The following TMBIM4 variants were observed in gnomAD, a reference collection of about 807,000 sequenced individuals.
The protein encoded by TMBIM4 is transmembrane BAX inhibitor motif containing 4, also known as protein lifeguard 4.
TMBIM4 carries 28 observed loss-of-function variants against 27.7 expected under a neutral mutation model. The observed-to-expected ratio is 1.01, with a 90% CI of 0.75 to 1.38. The LOEUF (loss-of-function observed/expected upper bound fraction) is 1.38. Ranked by LOEUF, TMBIM4 falls within the 40% of genes most tolerant of loss-of-function variation. TMBIM4 has a pLI of 0.00. For synonymous variants in TMBIM4, 115 were observed against 113.1 expected, an observed-to-expected ratio of 1.02 and a Z score of -0.11; for missense variants, 265 against 277.5, an observed-to-expected ratio of 0.95 and a Z score of 0.32.
intron 5 of TMBIM4, chr12:66,139,802 G>C (rs1299441798): frequency 2.2e-6 from 1 of 455,382 alleles, no homozygotes; most frequent in African/African-American, 2.0e-5. Context: ...TAGAGAAGCA[G>C]GCAGAACAAT....
chr12:66,148,186 G>A (rs752260850), intron 3 of TMBIM4, among the ~76,000 whole-genome samples: 16 of 152,084 alleles, frequency 1.1e-4, no homozygotes, highest in Non-Finnish European at 2.4e-4. Context: ...TCGCATATTT[G>A]TAACAGGAAG....
At chr12:66,167,938 A>T (rs2052158900) in intron 1 of TMBIM4, among the ~76,000 whole-genome samples, 1 of 152,180 alleles carries the variant, frequency 6.6e-6, no homozygotes, top group Admixed American at 6.5e-5. Context: ...GAAATTCTGC[A>T]GCCAGGTGCA....
At chr12:66,139,096 CTT>C (rs1305647252) in intron 5 of TMBIM4, among the ~76,000 whole-genome samples, 2 of 152,098 alleles carry the variant, frequency 1.3e-5, no homozygotes, top group Non-Finnish European at 2.9e-5. Context: ...TCTATAAAAA[CTT>C]TTAGAAAATA....
intron 1 of TMBIM4, among the ~76,000 whole-genome samples, chr12:66,166,904 G>C (rs557670869): frequency 2.2e-4 from 33 of 152,264 alleles, no homozygotes; most frequent in Non-Finnish European, 4.0e-4. Context: ...TCCTTCAGTA[G>C]GTGAATGAAT....
chr12:66,160,256 A>T (rs1332032415), intron 1 of TMBIM4: 1 of 703,206 alleles, frequency 1.4e-6, no homozygotes, highest in East Asian at 2.7e-5. Context: ...CTGAGGGTGC[A>T]GAAGGTATCC....
chr12:66,166,464 CAAAA>C (rs59822799), intron 1 of TMBIM4, among the ~76,000 whole-genome samples: 6 of 100,692 alleles, frequency 6.0e-5, no homozygotes, highest in African/African-American at 1.5e-4. Flanking sequence ...TACTTTGTCT[CAAAA>C]AAAAAAAAAA....
At chr12:66,169,458 G>A in intron 1 of TMBIM4, 1 of 509,108 alleles carries the variant, frequency 2.0e-6, no homozygotes, top group Non-Finnish European at 3.5e-6. Flanking sequence ...TCAGGCCGTG[G>A]ATTCCACTCG....
intron 1 of TMBIM4, among the ~76,000 whole-genome samples, chr12:66,160,580 T>C (rs750777681): frequency 6.6e-6 from 1 of 152,236 alleles, no homozygotes; most frequent in Non-Finnish European, 1.5e-5. Flanking sequence ...ATAGACTAGT[T>C]ATATATACTA....
chr12:66,139,791 A>T (rs2051637279), intron 5 of TMBIM4: 1 of 455,766 alleles, frequency 2.2e-6, no homozygotes, highest in African/African-American at 2.0e-5. Context: ...AAGAACCACA[A>T]TAGAGAAGCA....
intron 5 of TMBIM4, among the ~76,000 whole-genome samples, chr12:66,141,439 A>G (rs948456931): frequency 6.6e-5 from 10 of 152,122 alleles, no homozygotes; most frequent in African/African-American, 2.4e-4. Flanking sequence ...TAAAAGAACT[A>G]TAGCTAATAA....
intron 3 of TMBIM4, among the ~76,000 whole-genome samples, chr12:66,150,324 A>G (rs1437824929): frequency 6.6e-6 from 1 of 152,130 alleles, no homozygotes; most frequent in East Asian, 1.9e-4. Flanking sequence ...ACAGCCTACA[A>G]TGTGACCTGT....
chr12:66,142,873 C>G (rs1364267148), intron 5 of TMBIM4, among the ~76,000 whole-genome samples: 1 of 152,150 alleles, frequency 6.6e-6, no homozygotes, highest in African/African-American at 2.4e-5. Flanking sequence ...TATTCACTAA[C>G]TGGACAAGAT....
At chr12:66,165,849 G>A (rs1475533183) in intron 1 of TMBIM4, among the ~76,000 whole-genome samples, 1 of 151,986 alleles carries the variant, frequency 6.6e-6, no homozygotes, top group Non-Finnish European at 1.5e-5. Flanking sequence ...TATATCATTT[G>A]CAAATATTTT....
At chr12:66,152,728 C>A (rs1003364824) in intron 2 of TMBIM4, among the ~76,000 whole-genome samples, 7 of 152,002 alleles carry the variant, frequency 4.6e-5, no homozygotes, top group Non-Finnish European at 7.4e-5. Context: ...TGCCATATGG[C>A]TGTAATTTAA....
chr12:66,146,606 T>C (rs1451514274), intron 4 of TMBIM4, among the ~76,000 whole-genome samples: 3 of 152,192 alleles, frequency 2.0e-5, no homozygotes, highest in African/African-American at 7.2e-5. Flanking sequence ...TTCTGTAATT[T>C]TAGAATAATC....
At chr12:66,169,040 T>G (rs2052184980) in intron 1 of TMBIM4, 1 of 350,092 alleles carries the variant, frequency 2.9e-6, no homozygotes, top group Non-Finnish European at 5.2e-6. Context: ...AGAACTATCT[T>G]CATCTTTCCT....
intron 1 of TMBIM4, among the ~76,000 whole-genome samples, chr12:66,163,809 G>C (rs12311209): frequency 0.022 from 3,351 of 152,274 alleles, 76 homozygotes; most frequent in African/African-American, 0.053. Flanking sequence ...AAAAACTGAA[G>C]AGGAGGGAAC....
chr12:66,168,643 C>A (rs1324313939), intron 1 of TMBIM4: 1 of 152,256 alleles, frequency 6.6e-6, no homozygotes, highest in African/African-American at 2.4e-5. Context: ...CAAGCTGTAA[C>A]CAATCAACTC....
At position 66,138,008 on chromosome 12, in the gene TMBIM4, A is replaced by AT. The variant is rs1435653250; in HGVS notation, c.668dup (p.Asn223LysfsTer14). On this transcript the variant is annotated frameshift_variant, in exon 7 of 7. Coordinates refer to ENST00000358230, the MANE Select transcript of TMBIM4 (RefSeq NM_016056.4). LOFTEE classifies it high-confidence loss of function. Reference sequence around the variant, plus strand: ...GAAACCGTAACAGGTGCAGGAATAGATTGATGATATCCAAGTAGAGGCTGA... The same window carrying AT: ...GAAACCGTAACAGGTGCAGGAATAGATTTGATGATATCCAAGTAGAGGCTGA... 6.2e-7 allele frequency: 1 copy of AT among 1,613,982 alleles called. No individual in the cohort carries two copies. The highest frequency in any genetic ancestry group is 8.5e-7 in the Non-Finnish European group (1 of 1,180,026).
Sources: gnomAD v4.1 joint callset for allele counts (sites outside exome capture counted in the v4.1 genomes callset) on GRCh38, gnomAD v4.1.1 for gene constraint, MANE v1.5 for transcripts, NCBI Gene and HGNC (gene_info 2026-07-23, HGNC 2026-07-21) for gene names.